The following SLC25A47 variants were observed in gnomAD, a reference collection of about 807,000 sequenced individuals.
The protein encoded by SLC25A47 is HCC-down-regulated mitochondrial carrier protein.
In SLC25A47, 30 loss-of-function variants were observed where a neutral mutation model predicts 29.8. The ratio of observed to expected loss-of-function variants is 1.01; its 90% CI spans 0.75 to 1.36. The LOEUF (loss-of-function observed/expected upper bound fraction) is 1.36. Among genes scored for constraint, SLC25A47 ranks in the 40% most tolerant of loss-of-function variants. The probability of loss-of-function intolerance (pLI) is 0.00; values close to 1 mark genes in which losing one functional copy is unlikely to be tolerated. For missense variants in SLC25A47, 430 were observed against 441.9 expected, an observed-to-expected ratio of 0.97 and a Z score of 0.24; for synonymous variants, 204 against 197.8, an observed-to-expected ratio of 1.03 and a Z score of -0.26.
At chr14:100,324,462 C>T (rs1055854267) in intron 1 of SLC25A47, among the ~76,000 whole-genome samples, 4 of 152,134 alleles carry the variant, frequency 2.6e-5, no homozygotes, top group African/African-American at 9.7e-5. Flanking sequence ...TGACCTCAAG[C>T]GATCCGCACG....
rs1893406833 is a variant in SLC25A47, at chr14:100,329,410, C to G, written c.692C>G (p.Ala231Gly). Residue 231 changes from alanine (A) to glycine (G), a missense_variant, in exon 6 of 6, where the codon GCC becomes GGC. Transcript: ENST00000361529. ...LVAGGCAGVL[A>G]WAVATPMDVI... The stretch of plus-strand genomic sequence containing the variant: ...GCCGGGGGCTGTGCAGGAGTCCTGG[C>G]CTGGGCTGTGGCCACCCCCATGGAC... 18 of 1,612,582 alleles carry G rather than the reference C, an allele frequency of 1.1e-5. No individual in the cohort carries two copies. Among genetic ancestry groups the G allele is most frequent in the Non-Finnish European group, 1.5e-5 (18 of 1,179,810 alleles).
chr14:100,329,755 C>A lies in SLC25A47; in HGVS notation c.*110C>A. ...TTCGGGACCCCACAGGGCCATTGCC[C>A]AGGAGAATGAGGAGCCTCCCTGCAG... On this transcript the variant is annotated 3_prime_UTR_variant, in exon 6 of 6. Coordinates refer to ENST00000361529, the MANE Select transcript of SLC25A47 (RefSeq NM_207117.4). The A allele has an allele frequency of 7.2e-7, 1 of 1,392,152 alleles. No homozygotes were observed. Among genetic ancestry groups the A allele is most frequent in the Non-Finnish European group, 9.7e-7 (1 of 1,032,080 alleles). The allele number at this position is 1,392,152 out of a possible 1,614,324, so 86.2% of individuals were successfully genotyped here.
At chr14:100,329,288 G>A (rs45602334) in intron 5 of SLC25A47, 77 bp from the exon 6 acceptor site, 44,307 of 1,497,464 alleles carry the variant, frequency 0.03, 923 homozygotes, top group East Asian at 0.1. Flanking sequence ...AGGACGGGCC[G>A]GAAGCGTGAG....
At chr14:100,328,699 T>C in intron 4 of SLC25A47, 27 bp from the exon 5 acceptor site, 1 of 1,610,976 alleles carries the variant, frequency 6.2e-7, no homozygotes, top group East Asian at 2.2e-5. Context: ...CACAGGTGGC[T>C]GACCCCTGCT....
In SLC25A47 at chr14:100,327,312, A is replaced by ACGCCAAGCC. The variant is rs1893359001; in HGVS notation, c.271_279dup (p.Ala91_Pro93dup). 1.9e-6 allele frequency: 3 copies of ACGCCAAGCC among 1,603,392 alleles called. No homozygotes were observed. Among genetic ancestry groups the ACGCCAAGCC allele is most frequent in the Non-Finnish European group, 2.5e-6 (3 of 1,179,838 alleles). ...TGCCGGCTCCGGTACGGCAACCCTG[A>ACGCCAAGCC]CGCCAAGCCCACCAAGGCCGACATC... On this transcript the variant is annotated inframe_insertion, in exon 4 of 6. Coordinates refer to ENST00000361529, the MANE Select transcript of SLC25A47 (RefSeq NM_207117.4).
At chr14:100,328,618 GC>G in intron 4 of SLC25A47, 107 bp from the exon 5 acceptor site, 1 of 1,218,596 alleles carries the variant, frequency 8.2e-7, no homozygotes. Flanking sequence ...GGGTCTCGGG[GC>G]CCAACCTCCT....
intron 1 of SLC25A47, 98 bp from the exon 2 acceptor site, chr14:100,325,690 G>A (rs1893325089): frequency 3.1e-6 from 4 of 1,285,536 alleles, no homozygotes; most frequent in Non-Finnish European, 4.3e-6. Flanking sequence ...CCTTGGGGGA[G>A]CCCAGTCAGC....
intron 5 of SLC25A47, 36 bp downstream of exon 5, chr14:100,329,080 C>T (rs748217690): frequency 6.3e-6 from 10 of 1,588,264 alleles, no homozygotes; most frequent in Non-Finnish European, 7.7e-6. Context: ...GGCGGGGAGC[C>T]CAGAAGGATG....
rs1893281295 is a variant in SLC25A47 at position 100,323,371 on chromosome 14, C to G, written c.-44C>G. 3.1e-6 allele frequency: 5 copies of G among 1,611,546 alleles called. No homozygotes were observed. The highest frequency in any genetic ancestry group is 4.2e-6 in the Non-Finnish European group (5 of 1,179,390). On this transcript the variant is annotated 5_prime_UTR_variant, in exon 1 of 6. Coordinates refer to ENST00000361529, the MANE Select transcript of SLC25A47 (RefSeq NM_207117.4). Reference sequence around the variant, plus strand: ...AGGCCACCCTGGTGGCACCAAAGCCCTCTCAGGCAGGCAGACCCAGGGCCT... The same window carrying G: ...AGGCCACCCTGGTGGCACCAAAGCCGTCTCAGGCAGGCAGACCCAGGGCCT...
chr14:100,327,882 A>C (rs1179457048), intron 4 of SLC25A47, among the ~76,000 whole-genome samples: 1 of 152,260 alleles, frequency 6.6e-6, no homozygotes, highest in African/African-American at 2.4e-5. Context: ...GCAGCCCAGC[A>C]GCTGAAGGCC....
At position 100,323,390 on chromosome 14, in the gene SLC25A47, A is replaced by C. The variant is rs1159293543; in HGVS notation, c.-25A>C. 1 of 1,612,576 alleles carries C rather than the reference A, an allele frequency of 6.2e-7. No individual in the cohort carries two copies. Among genetic ancestry groups the C allele is most frequent in the Admixed American group, 1.7e-5 (1 of 59,996 alleles). ...AAAGCCCTCTCAGGCAGGCAGACCCAGGGCCTCCCCGCCACACCTTGTTCA... is the reference window on the plus strand; with the variant it reads ...AAAGCCCTCTCAGGCAGGCAGACCCCGGGCCTCCCCGCCACACCTTGTTCA... On this transcript the variant is annotated 5_prime_UTR_variant, in exon 1 of 6. Coordinates refer to ENST00000361529, the MANE Select transcript of SLC25A47 (RefSeq NM_207117.4).
chr14:100,325,689 A>T, intron 1 of SLC25A47, 99 bp from the exon 2 acceptor site: 1 of 1,264,704 alleles, frequency 7.9e-7, no homozygotes, highest in Non-Finnish European at 1.1e-6. Flanking sequence ...CCCTTGGGGG[A>T]GCCCAGTCAG....
At chr14:100,325,176 G>A (rs1388656665) in intron 1 of SLC25A47, among the ~76,000 whole-genome samples, 2 of 152,174 alleles carry the variant, frequency 1.3e-5, no homozygotes, top group Admixed American at 6.5e-5. Context: ...TGGATGTTGA[G>A]GCCTGGCACC....
intron 1 of SLC25A47, among the ~76,000 whole-genome samples, chr14:100,325,158 C>CT (rs766234722): frequency 2.0e-5 from 3 of 152,200 alleles, no homozygotes; most frequent in Non-Finnish European, 4.4e-5. Flanking sequence ...TGTGGCAGTG[C>CT]TGGGGCTTGG....
At chr14:100,326,802 C>G (rs368613617) in intron 3 of SLC25A47, among the ~76,000 whole-genome samples, 1 of 152,148 alleles carries the variant, frequency 6.6e-6, no homozygotes, top group Non-Finnish European at 1.5e-5. Context: ...GGTGAAACCC[C>G]GTCTCTACTA....
chr14:100,324,396 T>G (rs1217088543), intron 1 of SLC25A47, among the ~76,000 whole-genome samples: 1 of 152,144 alleles, frequency 6.6e-6, no homozygotes, highest in African/African-American at 2.4e-5. Context: ...GGCTAATTTT[T>G]GGGTTTTTAG....
chr14:100,326,008 C>T (rs2139844921), intron 2 of SLC25A47, 149 bp from the exon 3 acceptor site: 1 of 961,088 alleles, frequency 1.0e-6, no homozygotes, highest in Non-Finnish European at 1.6e-6. Context: ...CCCCAGGTTT[C>T]TCGTCTAACA....
chr14:100,328,960 C>T lies in SLC25A47; in HGVS notation c.562C>T (p.Arg188Trp), dbSNP rs773243422. 38 of 1,603,400 alleles carry T rather than the reference C, an allele frequency of 2.4e-5. No individual in the cohort carries two copies. Among genetic ancestry groups the T allele is most frequent in the Admixed American group, 6.7e-5 (4 of 60,010 alleles). Residue 188 changes from arginine to tryptophan, a missense_variant, in exon 5 of 6, where the codon CGG becomes TGG. Arg to Trp is a moderately radical substitution (Grantham distance 101, BLOSUM62 -3). Coordinates refer to ENST00000361529, the MANE Select transcript of SLC25A47 (RefSeq NM_207117.4). The stretch of plus-strand genomic sequence containing the variant: ...CAAGGGCAGCTCGGCCCTGGTCTTA[C>T]GGGACGGCCACTCCTTTGCCACCTA... ...LYKGSSALVLRDGHSFATYFL... is the reference protein window; with the variant it reads ...LYKGSSALVLWDGHSFATYFL...
rs187427212 is a variant in SLC25A47, at chr14:100,326,038, T to G, written c.73-119T>G. On this transcript the variant is annotated intron_variant, in intron 2 of 5. Transcript: ENST00000361529. ...CTAACACAAGGCTCCCTGTCCCTGC[T>G]GTGCCACCGTCCAGCATGGCTGGGA... 2.3e-3 allele frequency: 2,294 copies of G among 1,010,878 alleles called. 2 individuals carry two copies. The highest frequency in any genetic ancestry group is 3.0e-3 in the Non-Finnish European group (2,055 of 674,220). 62.6% of individuals were successfully genotyped at this position (1,010,878 alleles called of 1,614,324 possible). A position where few individuals can be genotyped will look rare whatever the true frequency, so the allele number is the denominator to read the frequency against.
Sources: allele counts gnomAD v4.1 joint callset (sites outside exome capture counted in the v4.1 genomes callset), GRCh38; gene constraint gnomAD v4.1.1; transcripts MANE v1.5; gene names NCBI Gene and HGNC (gene_info 2026-07-23, HGNC 2026-07-21).